ARHGAP26: variants seen among roughly 807,000 people sequenced by gnomAD.
ARHGAP26 encodes Rho GTPase activating protein 26, also known as rho GTPase-activating protein 26.
Under a neutral mutation model 104.8 loss-of-function variants are expected in ARHGAP26, and 38 were observed. The observed-to-expected ratio is 0.36, with a 90% confidence interval of 0.28 to 0.48. The LOEUF (loss-of-function observed/expected upper bound fraction) is 0.48. ARHGAP26 is among the 20% of genes least tolerant of loss of function. The pLI is 0.99. For missense variants in ARHGAP26, 704 were observed against 947.9 expected, an observed-to-expected ratio of 0.74 and a Z score of 3.38; for synonymous variants, 341 against 340.0, an observed-to-expected ratio of 1.00 and a Z score of -0.03.
intron 1 of ARHGAP26, among the ~76,000 whole-genome samples, chr5:142,772,118 G>T (rs761728737): frequency 2.6e-5 from 4 of 152,192 alleles, no homozygotes; most frequent in Admixed American, 1.3e-4. Context: ...TTGTTCCCAG[G>T]CCTCTTTAAA....
intron 11 of ARHGAP26, among the ~76,000 whole-genome samples, chr5:142,933,135 AC>A (rs1764949231): frequency 6.6e-6 from 1 of 152,198 alleles, no homozygotes; most frequent in South Asian, 2.1e-4. Flanking sequence ...ACCCATAGGA[AC>A]CCTCAAAACC....
At position 143,147,371 on chromosome 5, in the gene ARHGAP26, C is replaced by T; in HGVS notation, c.1978C>T (p.Pro660Ser). The change falls in exon 20 of 23, where the codon CCC becomes TCC. Residue 660 changes from proline (P) to serine (S), a missense_variant. Physicochemically the swap from Pro to Ser is moderately conservative, Grantham distance 74. Around this residue, in one of 6 missense-constraint regions of ARHGAP26, gnomAD observed 217 missense variants for 242.6 expected, o/e 0.89. Transcript: ENST00000645722. ...CCTGGCTGTGGTCAAACCCACCCGG[C>T]CCAACTCACTGTAAGTATGATGTCC... is the stretch of plus-strand genomic sequence containing the variant. The part of the protein sequence containing the change: ...PDLAVVKPTR[P>S]NSLPPNPSPT... 1 of 1,613,186 alleles carries T rather than the reference C, an allele frequency of 6.2e-7. No homozygotes were observed. Among genetic ancestry groups the T allele is most frequent in the Non-Finnish European group, 8.5e-7 (1 of 1,179,524 alleles).
chr5:142,897,637 A>G (rs1759656765), intron 6 of ARHGAP26, among the ~76,000 whole-genome samples: 1 of 152,240 alleles, frequency 6.6e-6, no homozygotes. Flanking sequence ...CCTAGATTAT[A>G]CAAAGGAAGA....
chr5:142,992,885 C>T (rs1775826314), intron 11 of ARHGAP26, among the ~76,000 whole-genome samples: 1 of 152,242 alleles, frequency 6.6e-6, no homozygotes, highest in South Asian at 2.1e-4. Flanking sequence ...GTGAGCACAA[C>T]TGTAAGTGAG....
chr5:142,911,832 C>T (rs1271313380), intron 9 of ARHGAP26, among the ~76,000 whole-genome samples: 1 of 152,212 alleles, frequency 6.6e-6, no homozygotes, highest in Non-Finnish European at 1.5e-5. Context: ...TGTTTGCACT[C>T]AGATATTTTA....
chr5:143,065,352 G>A (rs1443199305), intron 17 of ARHGAP26, among the ~76,000 whole-genome samples: 1 of 152,138 alleles, frequency 6.6e-6, no homozygotes, highest in Non-Finnish European at 1.5e-5. Context: ...CATCATGAGT[G>A]TTATCTGCGA....
At position 142,804,313 on chromosome 5, in the gene ARHGAP26, C is replaced by T. The variant is rs77666711; in HGVS notation, c.154+33398C>T. On this transcript the variant is annotated intron_variant, in intron 1 of 22. Coordinates refer to ENST00000645722, the MANE Select transcript of ARHGAP26 (RefSeq NM_001135608.3). ...TCCGTAACTATTACACATAACTTGCCGAGGCTGACTAGGGTGAATGAAATA... is the reference window on the plus strand; with the variant it reads ...TCCGTAACTATTACACATAACTTGCTGAGGCTGACTAGGGTGAATGAAATA... Among the ~76,000 whole-genome samples, 937 of 152,120 alleles carry T rather than the reference C, an allele frequency of 6.2e-3. 11 individuals are homozygous for T. Among genetic ancestry groups the T allele is most frequent in the African/African-American group, 0.022 (899 of 41,470 alleles).
intron 1 of ARHGAP26, among the ~76,000 whole-genome samples, chr5:142,849,457 C>G (rs1480009505): frequency 6.6e-6 from 1 of 152,346 alleles, no homozygotes; most frequent in South Asian, 2.1e-4. Flanking sequence ...TGCTAACATT[C>G]CTTCTCTGTG....
At chr5:142,897,839 G>A (rs573591929) in intron 6 of ARHGAP26, among the ~76,000 whole-genome samples, 1 of 152,276 alleles carries the variant, frequency 6.6e-6, no homozygotes, top group Non-Finnish European at 1.5e-5. Context: ...AAATAGCAGA[G>A]CTGGAAGGGT....
intron 9 of ARHGAP26, among the ~76,000 whole-genome samples, chr5:142,912,920 C>G (rs1651417267): frequency 6.6e-6 from 1 of 152,178 alleles, no homozygotes; most frequent in African/African-American, 2.4e-5. Flanking sequence ...CAAATTAAAA[C>G]AATGTCAACA....
intron 17 of ARHGAP26, among the ~76,000 whole-genome samples, chr5:143,109,439 G>T (rs1794486451): frequency 6.6e-6 from 1 of 151,764 alleles, no homozygotes; most frequent in South Asian, 2.1e-4. Context: ...ATCTCTTTTT[G>T]GTTTTTGTTT....
chr5:142,919,823 C>G (rs1477788900), intron 10 of ARHGAP26, among the ~76,000 whole-genome samples: 1 of 151,952 alleles, frequency 6.6e-6, no homozygotes, highest in African/African-American at 2.4e-5. Flanking sequence ...ATGGCAAGAC[C>G]CTGTCTTTAC....
intron 1 of ARHGAP26, among the ~76,000 whole-genome samples, chr5:142,786,173 G>A (rs902063155): frequency 6.6e-6 from 1 of 151,504 alleles, no homozygotes; most frequent in Non-Finnish European, 1.5e-5. Context: ...GTAGCGATGG[G>A]GGTCTCAGTG....
chr5:143,126,711 C>G (rs186061950), intron 18 of ARHGAP26, among the ~76,000 whole-genome samples: 8 of 152,280 alleles, frequency 5.3e-5, no homozygotes, highest in Non-Finnish European at 1.2e-4. Context: ...ACCGTGGACT[C>G]TCCTTGAATT....
chr5:142,861,350 G>A (rs1248631591), intron 1 of ARHGAP26, among the ~76,000 whole-genome samples: 1 of 146,162 alleles, frequency 6.8e-6, no homozygotes, highest in Non-Finnish European at 1.5e-5. Flanking sequence ...GGCTAGGTCC[G>A]TTTTTTTTTT....
At chr5:142,888,869 A>T (rs1297596184) in intron 5 of ARHGAP26, among the ~76,000 whole-genome samples, 1 of 152,234 alleles carries the variant, frequency 6.6e-6, no homozygotes, top group Non-Finnish European at 1.5e-5. Context: ...TCTAGGAGGA[A>T]GTCTCTTTTC....
chr5:142,836,582 C>T (rs1406730966), intron 1 of ARHGAP26, among the ~76,000 whole-genome samples: 1 of 152,136 alleles, frequency 6.6e-6, no homozygotes, highest in Non-Finnish European at 1.5e-5. Context: ...TTTGAGACAT[C>T]TCGAGGCCTG....
At chr5:143,204,389 T>TG (rs1180202120) in intron 20 of ARHGAP26, among the ~76,000 whole-genome samples, 1 of 151,946 alleles carries the variant, frequency 6.6e-6, no homozygotes, top group Non-Finnish European at 1.5e-5. Context: ...CCAGGCATGG[T>TG]GGGGGGGATC....
intron 1 of ARHGAP26, among the ~76,000 whole-genome samples, chr5:142,797,404 A>G (rs773712545): frequency 6.6e-6 from 1 of 152,230 alleles, no homozygotes; most frequent in Admixed American, 6.5e-5. Context: ...CAACAAGATG[A>G]ATATTTGAGT....
Sources: allele counts gnomAD v4.1 joint callset (sites outside exome capture counted in the v4.1 genomes callset), GRCh38; gene constraint gnomAD v4.1.1; regional missense constraint gnomAD v4.1.1; transcripts MANE v1.5; gene names NCBI Gene and HGNC (gene_info 2026-07-23, HGNC 2026-07-21).